Variants in KCNT2 observed in about 807,000 individuals in gnomAD.
KCNT2 encodes potassium channel subfamily T member 2.
In KCNT2, 67 loss-of-function variants were observed where a neutral mutation model predicts 153.8. That is an observed-to-expected ratio of 0.44 (90% confidence interval 0.36 to 0.53). The LOEUF (loss-of-function observed/expected upper bound fraction) is 0.53, where lower values mean the gene tolerates loss of function less well. KCNT2 is among the 20% of genes least tolerant of loss of function. The pLI is 0.00. For synonymous variants in KCNT2, 500 were observed against 458.8 expected, an observed-to-expected ratio of 1.09 and a Z score of -1.15; for missense variants, 975 against 1,354.8, an observed-to-expected ratio of 0.72 and a Z score of 4.40.
rs1665695921 is a variant in KCNT2, at chr1:196,342,155, C to A, written c.1477G>T (p.Val493Phe). ...GCAAAAAATGTACTTTCTTCCAAAA[C>A]AATGTGGTAGACTTCATTCCCGGAG... ...RCSGNEVYHI[V>F]LEESTFFAEY... Residue 493 changes from valine to phenylalanine, a missense_variant, in exon 15 of 28, where the codon GTT (valine) becomes TTT (phenylalanine). Coordinates refer to ENST00000294725, the MANE Select transcript of KCNT2 (RefSeq NM_198503.5). The A allele has an allele frequency of 6.2e-7, 1 of 1,611,158 alleles. No homozygotes were observed. Among genetic ancestry groups the A allele is most frequent in the Non-Finnish European group, 8.5e-7 (1 of 1,178,730 alleles).
intron 8 of KCNT2, among the ~76,000 whole-genome samples, chr1:196,461,718 G>C (rs940839138): frequency 1.3e-5 from 2 of 151,528 alleles, no homozygotes; most frequent in Admixed American, 1.3e-4. Flanking sequence ...TGATGAAGAG[G>C]GGTACACTGC....
At chr1:196,386,235 C>A (rs1558227286) in intron 13 of KCNT2, among the ~76,000 whole-genome samples, 1 of 152,144 alleles carries the variant, frequency 6.6e-6, no homozygotes, top group Non-Finnish European at 1.5e-5. Context: ...TGCAACTACA[C>A]TAAATAACCT....
At chr1:196,427,114 A>G (rs185548516) in intron 10 of KCNT2, among the ~76,000 whole-genome samples, 305 of 152,206 alleles carry the variant, frequency 2.0e-3, no homozygotes, top group Non-Finnish European at 3.6e-3. Context: ...ATGAGTTATG[A>G]TAAGTAAGCT....
chr1:196,398,179 T>C (rs2148438321), intron 13 of KCNT2, among the ~76,000 whole-genome samples: 3 of 151,578 alleles, frequency 2.0e-5, no homozygotes, highest in Middle Eastern at 3.4e-3. Flanking sequence ...TATGTGTGTA[T>C]TAAACAATTA....
chr1:196,425,520 A>C (rs1425085919), intron 11 of KCNT2, among the ~76,000 whole-genome samples: 3 of 151,972 alleles, frequency 2.0e-5, no homozygotes, highest in Non-Finnish European at 1.5e-5. Flanking sequence ...GGGGATTTGG[A>C]GACTACTCTA....
intron 25 of KCNT2, among the ~76,000 whole-genome samples, chr1:196,260,925 T>C (rs1183157389): frequency 2.0e-5 from 3 of 151,840 alleles, no homozygotes. Flanking sequence ...CTTTCACATA[T>C]AACAATAATA....
chr1:196,326,649 T>C, intron 19 of KCNT2, 68 bp downstream of exon 19: 2 of 865,002 alleles, frequency 2.3e-6, no homozygotes, highest in East Asian at 5.9e-5. Flanking sequence ...CAGGCAATTA[T>C]TTTTGATATA....
At chr1:196,561,675 A>ATG (rs1553254848) in intron 1 of KCNT2, among the ~76,000 whole-genome samples, 1 of 36,472 alleles carries the variant, frequency 2.7e-5, no homozygotes, top group Non-Finnish European at 1.1e-4. Flanking sequence ...AAAAAAAAAA[A>ATG]AAGAAGAAGA....
At chr1:196,493,337 G>T (rs563988330) in intron 1 of KCNT2, among the ~76,000 whole-genome samples, 3 of 144,770 alleles carry the variant, frequency 2.1e-5, no homozygotes, top group South Asian at 2.2e-4. Context: ...CTTTTTTTTG[G>T]GGGGGAGATT....
chr1:196,352,010 T>C (rs1313828100), intron 14 of KCNT2, among the ~76,000 whole-genome samples: 2 of 152,220 alleles, frequency 1.3e-5, no homozygotes, highest in African/African-American at 4.8e-5. Context: ...ATTACATTTA[T>C]TGATTTGCAT....
At chr1:196,498,696 T>C (rs942995196) in intron 1 of KCNT2, among the ~76,000 whole-genome samples, 1 of 152,194 alleles carries the variant, frequency 6.6e-6, no homozygotes, top group African/African-American at 2.4e-5. Flanking sequence ...TTTCTGTGCT[T>C]CTAGATTGTG....
At chr1:196,311,260 G>A (rs560418821) in intron 21 of KCNT2, among the ~76,000 whole-genome samples, 2 of 151,794 alleles carry the variant, frequency 1.3e-5, no homozygotes, top group African/African-American at 4.8e-5. Context: ...CACCAGCTAT[G>A]TCCACCTTGT....
At chr1:196,538,997 T>C (rs1166371452) in intron 1 of KCNT2, among the ~76,000 whole-genome samples, 1 of 152,220 alleles carries the variant, frequency 6.6e-6, no homozygotes, top group Non-Finnish European at 1.5e-5. Context: ...CCTCCTCTTT[T>C]TTGTTATGTT....
At chr1:196,379,194 T>C (rs913815113) in intron 13 of KCNT2, among the ~76,000 whole-genome samples, 3 of 152,180 alleles carry the variant, frequency 2.0e-5, no homozygotes, top group African/African-American at 4.8e-5. Flanking sequence ...GAAGGACAAC[T>C]CTTTATCAAA....
chr1:196,509,124 C>A (rs1681390421), intron 1 of KCNT2, among the ~76,000 whole-genome samples: 1 of 151,912 alleles, frequency 6.6e-6, no homozygotes, highest in African/African-American at 2.4e-5. Flanking sequence ...CAAAAATTAA[C>A]TGGGCTTGGT....
At position 196,413,976 on chromosome 1, in the gene KCNT2, T is replaced by C. The variant is rs950007473; in HGVS notation, c.1185+9074A>G. Among the ~76,000 whole-genome samples the C allele has an allele frequency of 2.0e-5, 3 of 151,664 alleles. No homozygotes were observed. In the Admixed American group the frequency reaches 2.0e-4, roughly 10 times the overall value. On this transcript the variant is annotated intron_variant, in intron 12 of 27. Transcript: ENST00000294725. ...GTCATTAAGACAACAAAATAACTTATTCAGTTAATTTTATAAATTCAGCAA... is the reference window on the plus strand; with the variant it reads ...GTCATTAAGACAACAAAATAACTTACTCAGTTAATTTTATAAATTCAGCAA...
At chr1:196,371,448 A>G (rs1668528029) in intron 14 of KCNT2, among the ~76,000 whole-genome samples, 1 of 151,994 alleles carries the variant, frequency 6.6e-6, no homozygotes, top group Non-Finnish European at 1.5e-5. Flanking sequence ...TTCTATGAAT[A>G]TACTTTTAAC....
chr1:196,546,955 T>G (rs1657181657), intron 1 of KCNT2, among the ~76,000 whole-genome samples: 1 of 151,924 alleles, frequency 6.6e-6, no homozygotes, highest in African/African-American at 2.4e-5. Flanking sequence ...ACAGCATATG[T>G]AAATTAGAGT....
chr1:196,480,571 A>T (rs1678917001), intron 4 of KCNT2, among the ~76,000 whole-genome samples: 1 of 152,120 alleles, frequency 6.6e-6, no homozygotes, highest in African/African-American at 2.4e-5. Flanking sequence ...AAAAATGAAC[A>T]TCGGCCAGGC....
Sources: gnomAD v4.1 joint callset for allele counts (sites outside exome capture counted in the v4.1 genomes callset) on GRCh38, gnomAD v4.1.1 for gene constraint, MANE v1.5 for transcripts, NCBI Gene and HGNC (gene_info 2026-07-23, HGNC 2026-07-21) for gene names.